The following TSPAN5 variants were observed in gnomAD, a reference collection of about 807,000 sequenced individuals.
The protein encoded by TSPAN5 is tetraspanin-5.
A neutral mutation model predicts 37.1 loss-of-function variants in TSPAN5; 10 were observed. The ratio of observed to expected loss-of-function variants is 0.27; its 90% CI spans 0.17 to 0.46. The LOEUF (loss-of-function observed/expected upper bound fraction) is 0.46, where lower values mean the gene tolerates loss of function less well. TSPAN5 is among the 20% of genes least tolerant of loss of function. The probability of loss-of-function intolerance (pLI) is 1.00; values close to 1 mark genes in which losing one functional copy is unlikely to be tolerated. For missense variants in TSPAN5, 195 were observed against 326.6 expected (o/e 0.60, Z 3.11); for synonymous variants, 110 against 118.9 (o/e 0.93, Z 0.48).
intron 2 of TSPAN5, among the ~76,000 whole-genome samples, chr4:98,494,333 G>A (rs1244581782): frequency 2.0e-5 from 3 of 151,910 alleles, no homozygotes; most frequent in Admixed American, 2.0e-4. Flanking sequence ...CAGAAAGTGG[G>A]GTAGCCTGGA....
At position 98,624,453 on chromosome 4, in the gene TSPAN5, G is replaced by A. The variant is rs372700534; in HGVS notation, c.81+33693C>T. ...GAAAAAAAAATACGTATTAACATAA[G>A]TAACATTTCATTACTAAGAGCTCCA... On this transcript the variant is annotated intron_variant, in intron 1 of 7. Coordinates refer to ENST00000305798, the MANE Select transcript of TSPAN5 (RefSeq NM_005723.4). Among the ~76,000 whole-genome samples the A allele has an allele frequency of 4.6e-5, 7 of 152,214 alleles. No individual in the cohort carries two copies. In the East Asian group the frequency reaches 7.7e-4, roughly 17 times the overall value.
intron 1 of TSPAN5, among the ~76,000 whole-genome samples, chr4:98,641,433 T>C (rs1433654006): frequency 6.6e-6 from 1 of 152,242 alleles, no homozygotes; most frequent in African/African-American, 2.4e-5. Flanking sequence ...AACCTTTGTG[T>C]TTCTGCTAAC....
chr4:98,621,057 T>C (rs541533655), intron 1 of TSPAN5, among the ~76,000 whole-genome samples: 1 of 152,246 alleles, frequency 6.6e-6, no homozygotes, highest in East Asian at 1.9e-4. Flanking sequence ...AGTATGACTG[T>C]GTCCTTATAA....
chr4:98,510,775 A>T (rs974339837), intron 1 of TSPAN5, among the ~76,000 whole-genome samples: 3 of 152,210 alleles, frequency 2.0e-5, no homozygotes, highest in Admixed American at 2.0e-4. Flanking sequence ...GTTAAGGGAA[A>T]CACTCAATAC....
chr4:98,607,026 G>C (rs780537083), intron 1 of TSPAN5, among the ~76,000 whole-genome samples: 6 of 152,112 alleles, frequency 3.9e-5, no homozygotes, highest in Non-Finnish European at 7.3e-5. Context: ...AGGCAGTTGG[G>C]GGAAGGGAGC....
At chr4:98,523,752 A>G (rs1753904747) in intron 1 of TSPAN5, among the ~76,000 whole-genome samples, 1 of 152,204 alleles carries the variant, frequency 6.6e-6, no homozygotes, top group African/African-American at 2.4e-5. Context: ...ATCTTTAAAA[A>G]TTAAGAGGAC....
chr4:98,539,855 T>C (rs1471696656), intron 1 of TSPAN5, among the ~76,000 whole-genome samples: 1 of 152,152 alleles, frequency 6.6e-6, no homozygotes, highest in Non-Finnish European at 1.5e-5. Flanking sequence ...TGTGGCTGTG[T>C]CTTGGTTGCT....
intron 2 of TSPAN5, among the ~76,000 whole-genome samples, chr4:98,490,482 A>G (rs1753061735): frequency 1.3e-5 from 2 of 152,126 alleles, no homozygotes; most frequent in African/African-American, 4.8e-5. Context: ...GGAAACAACA[A>G]TCATTGGGGG....
intron 1 of TSPAN5, among the ~76,000 whole-genome samples, chr4:98,540,986 C>T (rs147780416): frequency 2.6e-5 from 4 of 152,160 alleles, no homozygotes; most frequent in Admixed American, 6.5e-5. Flanking sequence ...ATAAAGAACA[C>T]GGGCCTTAGC....
At chr4:98,517,519 C>T (rs1354302013) in intron 1 of TSPAN5, among the ~76,000 whole-genome samples, 1 of 152,020 alleles carries the variant, frequency 6.6e-6, no homozygotes, top group African/African-American at 2.4e-5. Flanking sequence ...ACTTGCACTA[C>T]ACCAGGAGAA....
chr4:98,538,753 C>T (rs1200545082), intron 1 of TSPAN5, among the ~76,000 whole-genome samples: 1 of 152,174 alleles, frequency 6.6e-6, no homozygotes, highest in Non-Finnish European at 1.5e-5. Flanking sequence ...ACTGCCTGTG[C>T]AGGAATTTAT....
chr4:98,579,743 G>C (rs1175997876), intron 1 of TSPAN5, among the ~76,000 whole-genome samples: 1 of 152,118 alleles, frequency 6.6e-6, no homozygotes, highest in Non-Finnish European at 1.5e-5. Context: ...TGCAGCATTA[G>C]GACAGTTGGG....
chr4:98,487,015 T>A (rs190582359), intron 2 of TSPAN5, 131 bp from the exon 3 acceptor site: 1 of 751,616 alleles, frequency 1.3e-6, no homozygotes, highest in Non-Finnish European at 2.1e-6. Context: ...ATCAGGTATG[T>A]GATTAATACT....
chr4:98,539,877 G>T (rs1030317317), intron 1 of TSPAN5, among the ~76,000 whole-genome samples: 15 of 152,146 alleles, frequency 9.9e-5, no homozygotes, highest in African/African-American at 3.4e-4. Context: ...TCTAGTGCGT[G>T]TTCTCTCTCT....
Position 98,547,843 on chromosome 4 carries a change from C to T in TSPAN5, c.82-40115G>A, listed in dbSNP as rs572839130. On this transcript the variant is annotated intron_variant, in intron 1 of 7. Transcript: ENST00000305798. Reference sequence around the variant, plus strand: ...CCAACACGGTGAAACCCCGTCTCTACTAAAATATAAAAATTCGCTGGCGTG... The same window carrying T: ...CCAACACGGTGAAACCCCGTCTCTATTAAAATATAAAAATTCGCTGGCGTG... Among the ~76,000 whole-genome samples the T allele has an allele frequency of 2.8e-3, 418 of 151,772 alleles. 1 individual carries two copies. The highest frequency in any genetic ancestry group is 9.4e-3 in the African/African-American group (390 of 41,366).
At chr4:98,475,969 G>A (rs1332200888) in intron 7 of TSPAN5, among the ~76,000 whole-genome samples, 3 of 151,824 alleles carry the variant, frequency 2.0e-5, no homozygotes, top group African/African-American at 7.3e-5. Flanking sequence ...TAGCCTGGGC[G>A]ACAGAGCAAG....
intron 2 of TSPAN5, among the ~76,000 whole-genome samples, chr4:98,497,052 C>T (rs1753228012): frequency 6.6e-6 from 1 of 152,052 alleles, no homozygotes; most frequent in South Asian, 2.1e-4. Context: ...AGAGGCTGGG[C>T]ACAGTGGCTC....
chr4:98,494,034 AG>A (rs1332166659), intron 2 of TSPAN5, among the ~76,000 whole-genome samples: 1 of 152,164 alleles, frequency 6.6e-6, no homozygotes, highest in African/African-American at 2.4e-5. Context: ...AACTTAGCAA[AG>A]AGACCAGTAT....
Position 98,541,674 on chromosome 4 carries a change from C to CA in TSPAN5, c.82-33947dup, listed in dbSNP as rs746840547. Among the ~76,000 whole-genome samples, 494 of 104,326 alleles carry CA rather than the reference C, an allele frequency of 4.7e-3. 4 individuals are homozygous for CA. Among genetic ancestry groups the CA allele is most frequent in the East Asian group, 8.8e-3 (29 of 3,304 alleles). The allele number at this position is 104,326 out of a possible 152,430, so 68.4% of individuals were successfully genotyped here. ...TGGGTGACAGAGCAAGACTCTGTCTCAAAAAAAAAAAAAAAAAAAAAGAGA... is the reference window on the plus strand; with the variant it reads ...TGGGTGACAGAGCAAGACTCTGTCTCAAAAAAAAAAAAAAAAAAAAAAGAGA... On this transcript the variant is annotated intron_variant, in intron 1 of 7. Transcript: ENST00000305798.
Sources: allele counts gnomAD v4.1 joint callset (sites outside exome capture counted in the v4.1 genomes callset), GRCh38; gene constraint gnomAD v4.1.1; transcripts MANE v1.5; gene names NCBI Gene and HGNC (gene_info 2026-07-23, HGNC 2026-07-21).